SAMD12: variants seen among roughly 807,000 people sequenced by gnomAD.
SAMD12 encodes sterile alpha motif domain-containing protein 12.
Under a neutral mutation model 15.0 loss-of-function variants are expected in SAMD12, and 9 were observed. The ratio of observed to expected loss-of-function variants is 0.60; its 90% CI spans 0.36 to 1.05. The LOEUF (loss-of-function observed/expected upper bound fraction) is 1.05, where lower values mean the gene tolerates loss of function less well. Ranked by LOEUF, SAMD12 falls within the 50% of genes least tolerant of loss-of-function variation. SAMD12 has a pLI of 0.01. For synonymous variants in SAMD12, 86 were observed against 90.1 expected (o/e 0.96, Z 0.25); for missense variants, 230 against 234.2 (o/e 0.98, Z 0.12).
chr8:118,618,615 G>A (rs1586862012), intron 1 of SAMD12, among the ~76,000 whole-genome samples: 1 of 151,980 alleles, frequency 6.6e-6, no homozygotes, highest in Non-Finnish European at 1.5e-5. Flanking sequence ...CGAGGCGGGC[G>A]GATCACGAGG....
chr8:118,418,810 C>T (rs1448179316), intron 3 of SAMD12, among the ~76,000 whole-genome samples: 2 of 151,988 alleles, frequency 1.3e-5, no homozygotes, highest in Admixed American at 6.6e-5. Flanking sequence ...GTTTTTGCCA[C>T]TATAGCATCC....
intron 4 of SAMD12, among the ~76,000 whole-genome samples, chr8:118,317,472 G>A (rs1214385143): frequency 2.0e-5 from 3 of 152,182 alleles, no homozygotes; most frequent in Admixed American, 1.3e-4. Flanking sequence ...ATCGAGAACT[G>A]CAGACAATAC....
chr8:118,522,157 AACACACAC>A (rs71292173), intron 2 of SAMD12, among the ~76,000 whole-genome samples: 1 of 69,980 alleles, frequency 1.4e-5, no homozygotes, highest in Admixed American at 1.6e-4. Context: ...GATTCAGTGA[AACACACAC>A]ACACACACAC....
intron 3 of SAMD12, among the ~76,000 whole-genome samples, chr8:118,410,132 T>C (rs1277253017): frequency 6.6e-6 from 1 of 152,214 alleles, no homozygotes; most frequent in East Asian, 1.9e-4. Flanking sequence ...TGAGGTTATT[T>C]ATTGATAAAG....
At chr8:118,592,272 G>A (rs1299165934) in intron 1 of SAMD12, among the ~76,000 whole-genome samples, 1 of 151,864 alleles carries the variant, frequency 6.6e-6, no homozygotes, top group Non-Finnish European at 1.5e-5. Flanking sequence ...GGTGAGCCGA[G>A]ATGCCAAAAA....
intron 2 of SAMD12, among the ~76,000 whole-genome samples, chr8:118,465,862 T>C (rs1240985785): frequency 2.0e-5 from 3 of 152,096 alleles, no homozygotes; most frequent in African/African-American, 7.2e-5. Context: ...TGGGGATACC[T>C]TAGGGAGCTT....
chr8:118,488,001 G>A (rs1586757379), intron 2 of SAMD12, among the ~76,000 whole-genome samples: 1 of 152,178 alleles, frequency 6.6e-6, no homozygotes, highest in Non-Finnish European at 1.5e-5. Context: ...CATACAGCTA[G>A]TGAATCTAAA....
At chr8:118,505,398 T>C (rs556001203) in intron 2 of SAMD12, among the ~76,000 whole-genome samples, 16 of 151,834 alleles carry the variant, frequency 1.1e-4, no homozygotes, top group Non-Finnish European at 2.1e-4. Context: ...CCCAGGCTCC[T>C]TTGCAACTAG....
chr8:118,284,528 T>C, intron 4 of SAMD12: 1 of 346,562 alleles, frequency 2.9e-6, no homozygotes, highest in South Asian at 2.2e-5. Context: ...AAATGGAACA[T>C]CAAGACTGAC....
the SAMD12 span, among the ~76,000 whole-genome samples, chr8:118,152,454 C>CCCTTCCTTCCTT: frequency 6.9e-6 from 1 of 144,280 alleles, no homozygotes; most frequent in African/African-American, 2.6e-5. Context: ...CTCCCTCCCT[C>CCCTTCCTTCCTT]CCTACCTTCC....
chr8:118,335,088 G>A (rs1186791566), intron 4 of SAMD12, among the ~76,000 whole-genome samples: 1 of 152,152 alleles, frequency 6.6e-6, no homozygotes, highest in Non-Finnish European at 1.5e-5. Flanking sequence ...TCATGTTGAA[G>A]GTCTTTGCAT....
chr8:118,367,377 A>G (rs1392065348), intron 4 of SAMD12, among the ~76,000 whole-genome samples: 1 of 152,234 alleles, frequency 6.6e-6, no homozygotes, highest in Non-Finnish European at 1.5e-5. Context: ...GGACATTTGA[A>G]CACCGCACAT....
chr8:118,423,136 A>G (rs1822077621), intron 3 of SAMD12, among the ~76,000 whole-genome samples: 1 of 152,132 alleles, frequency 6.6e-6, no homozygotes, highest in African/African-American at 2.4e-5. Flanking sequence ...GTGAGCCGTG[A>G]TGTCACATGT....
At chr8:118,549,067 G>T (rs1586808779) in intron 2 of SAMD12, among the ~76,000 whole-genome samples, 1 of 152,240 alleles carries the variant, frequency 6.6e-6, no homozygotes, top group Non-Finnish European at 1.5e-5. Context: ...AAGGAGGCCT[G>T]CCTGCCTCTG....
chr8:118,346,982 C>G (rs1052990781), intron 4 of SAMD12, among the ~76,000 whole-genome samples: 3 of 152,336 alleles, frequency 2.0e-5, no homozygotes, highest in African/African-American at 7.2e-5. Context: ...CAGCTCACTG[C>G]AGCCCCGAAT....
intron 4 of SAMD12, among the ~76,000 whole-genome samples, chr8:118,321,457 T>C (rs1433470257): frequency 6.6e-6 from 1 of 151,464 alleles, no homozygotes; most frequent in East Asian, 2.0e-4. Flanking sequence ...CTCCTAAAAA[T>C]ACAAAAATTA....
In SAMD12 at chr8:118,455,281, C is replaced by CTCTCTCTT. The variant is rs1823213686; in HGVS notation, c.193-15321_193-15320insAAGAGAGA. 2.0e-5 allele frequency among the ~76,000 whole-genome samples: 3 copies of CTCTCTCTT among 151,968 alleles called. No individual in the cohort carries two copies. The South Asian group carries it at 6.2e-4, about 32-fold the overall frequency. ...CTGGCTTTCACACCTCTCTCTCTCT[C>CTCTCTCTT]TCTCTCTCTCTACTGTTTACTCTGT... On this transcript the variant is annotated intron_variant, in intron 2 of 3. Coordinates refer to ENST00000314727, the MANE Select transcript of SAMD12 (RefSeq NM_207506.3).
intron 2 of SAMD12, among the ~76,000 whole-genome samples, chr8:118,500,119 C>A (rs1481762485): frequency 8.8e-6 from 1 of 113,204 alleles, no homozygotes; most frequent in Non-Finnish European, 1.6e-5. Context: ...ACTCTTGTTG[C>A]CCAGGCTGGA....
chr8:118,276,883 G>GAT (rs1269632350), intron 4 of SAMD12, among the ~76,000 whole-genome samples: 2,504 of 152,220 alleles, frequency 0.016, 81 homozygotes, highest in African/African-American at 0.056. Flanking sequence ...ATGTTGACCA[G>GAT]GCTGGTCTCG....
Sources: gnomAD v4.1 joint callset for allele counts (sites outside exome capture counted in the v4.1 genomes callset) on GRCh38, gnomAD v4.1.1 for gene constraint, MANE v1.5 for transcripts, NCBI Gene and HGNC (gene_info 2026-07-23, HGNC 2026-07-21) for gene names.